Variants in ADORA2B observed in about 807,000 individuals in gnomAD.
ADORA2B encodes adenosine receptor A2b.
Under a neutral mutation model 20.8 loss-of-function variants are expected in ADORA2B, and 18 were observed. The observed-to-expected ratio is 0.87, with a 90% confidence interval of 0.60 to 1.29. The LOEUF is 1.29. Among genes scored for constraint, ADORA2B ranks in the 50% most tolerant of loss-of-function variants. ADORA2B has a pLI of 0.00. For missense variants in ADORA2B, 441 were observed against 422.7 expected (o/e 1.04, Z -0.38); for synonymous variants, 179 against 178.3 (o/e 1.00, Z -0.03).
chr17:15,921,767 A>C, the ADORA2B span, among the ~76,000 whole-genome samples: 6 of 152,124 alleles, frequency 3.9e-5, no homozygotes, highest in Non-Finnish European at 8.8e-5. Context: ...GAATTCACAA[A>C]ATTATTAGGG....
chr17:15,855,409 A>G, the ADORA2B span, among the ~76,000 whole-genome samples: 1 of 152,136 alleles, frequency 6.6e-6, no homozygotes, highest in Non-Finnish European at 1.5e-5. Context: ...AACACTTCCC[A>G]TGAGAAGCCA....
chr17:15,923,440 T>C, the ADORA2B span, among the ~76,000 whole-genome samples: 4 of 151,066 alleles, frequency 2.6e-5, no homozygotes, highest in African/African-American at 9.7e-5. Flanking sequence ...AGTCTCGCTC[T>C]GTCACCCAGG....
chr17:15,897,839 T>C, the ADORA2B span, among the ~76,000 whole-genome samples: 4 of 152,228 alleles, frequency 2.6e-5, no homozygotes. Context: ...ACTATTTCGC[T>C]ATTGTAGAAA....
chr17:15,874,198 T>C, the ADORA2B span, among the ~76,000 whole-genome samples: 1,602 of 151,758 alleles, frequency 0.011, 34 homozygotes, highest in African/African-American at 0.036. Context: ...GAGGCCATTA[T>C]TCTAAATGAA....
At chr17:15,910,027 C>T in the ADORA2B span, among the ~76,000 whole-genome samples, 4 of 152,188 alleles carry the variant, frequency 2.6e-5, no homozygotes, top group African/African-American at 4.8e-5. Context: ...CAAGTGAGGG[C>T]ATGGCTCACA....
the ADORA2B span, among the ~76,000 whole-genome samples, chr17:15,853,746 T>C: frequency 1.3e-5 from 2 of 152,212 alleles, no homozygotes; most frequent in South Asian, 2.1e-4. Context: ...ACCAATCTTA[T>C]ATATATTCAT....
At chr17:15,965,750 C>CCTGCTGGG (rs1970108184) in intron 1 of ADORA2B, among the ~76,000 whole-genome samples, 1 of 152,266 alleles carries the variant, frequency 6.6e-6, no homozygotes, top group African/African-American at 2.4e-5. Flanking sequence ...CTGGCACTCC[C>CCTGCTGGG]GTAGAAAGCC....
the ADORA2B span, among the ~76,000 whole-genome samples, chr17:15,878,184 T>TATAC: frequency 2.8e-5 from 4 of 143,820 alleles, no homozygotes; most frequent in African/African-American, 7.6e-5. Flanking sequence ...TGTGTGTGTA[T>TATAC]ACACACACAC....
chr17:15,946,081 C>T (rs1420382856), intron 1 of ADORA2B, among the ~76,000 whole-genome samples: 2 of 152,224 alleles, frequency 1.3e-5, no homozygotes, highest in African/African-American at 2.4e-5. Flanking sequence ...ACTTTGGACG[C>T]TGGGCATTCG....
the ADORA2B span, among the ~76,000 whole-genome samples, chr17:15,873,555 A>T: frequency 6.6e-6 from 1 of 152,210 alleles, no homozygotes; most frequent in Admixed American, 6.5e-5. Flanking sequence ...GTAAAAAACA[A>T]GTAATCCTAT....
the ADORA2B span, among the ~76,000 whole-genome samples, chr17:15,913,175 C>T: frequency 6.6e-6 from 1 of 152,228 alleles, no homozygotes; most frequent in Non-Finnish European, 1.5e-5. Flanking sequence ...CTCTTCCTTC[C>T]CTGAGCCAGA....
intron 1 of ADORA2B, among the ~76,000 whole-genome samples, chr17:15,952,552 C>G (rs1029015828): frequency 3.3e-5 from 5 of 152,022 alleles, no homozygotes; most frequent in Non-Finnish European, 7.4e-5. Flanking sequence ...AGGTCACCCC[C>G]AAACACCCCC....
rs1567786066 is a variant in ADORA2B at position 15,975,304 on chromosome 17, C to T, written c.961C>T (p.Gln321Ter). The T allele has an allele frequency of 1.9e-6, 3 of 1,613,170 alleles. No individual in the cohort carries two copies. Among genetic ancestry groups the T allele is most frequent in the East Asian group, 2.2e-5 (1 of 44,872 alleles). Residue 321 changes from glutamine to a stop codon, truncating the protein, a stop_gained, in exon 2 of 2, where the codon CAG (glutamine) becomes TAG (stop). Transcript: ENST00000304222. LOFTEE classifies it high-confidence loss of function. ...CQADVKSGNG[Q>*]AGVQPALGVG... ...AGCAGATGTCAAGAGTGGGAATGGT[C>T]AGGCTGGGGTACAGCCTGCTCTCGG...
the ADORA2B span, among the ~76,000 whole-genome samples, chr17:15,906,443 C>G: frequency 6.6e-6 from 1 of 152,128 alleles, no homozygotes; most frequent in East Asian, 1.9e-4. Flanking sequence ...CCCTTGCATT[C>G]CTGAGATGAA....
the ADORA2B span, among the ~76,000 whole-genome samples, chr17:15,869,339 A>C: frequency 7.0e-6 from 1 of 143,810 alleles, no homozygotes; most frequent in Admixed American, 7.0e-5. Context: ...TAATAATAAT[A>C]ATTATTATTA....
At chr17:15,969,980 T>G (rs1389107330) in intron 1 of ADORA2B, among the ~76,000 whole-genome samples, 1 of 152,234 alleles carries the variant, frequency 6.6e-6, no homozygotes, top group Non-Finnish European at 1.5e-5. Context: ...TATGTTCTAC[T>G]TTTCAAATTT....
chr17:15,899,600 A>G, the ADORA2B span, among the ~76,000 whole-genome samples: 1 of 152,026 alleles, frequency 6.6e-6, no homozygotes, highest in Non-Finnish European at 1.5e-5. Flanking sequence ...CTCTTCTTCC[A>G]TTCCCTCTCT....
intron 1 of ADORA2B, among the ~76,000 whole-genome samples, chr17:15,969,767 C>T (rs1970166627): frequency 6.6e-6 from 1 of 152,246 alleles, no homozygotes; most frequent in East Asian, 1.9e-4. Flanking sequence ...GAAATAGTTT[C>T]CTAGCTGATC....
intron 1 of ADORA2B, among the ~76,000 whole-genome samples, chr17:15,946,797 C>T (rs545006601): frequency 6.6e-6 from 1 of 152,144 alleles, no homozygotes; most frequent in Non-Finnish European, 1.5e-5. Context: ...CACCGTGTCC[C>T]CACCCATGCC....
Sources: allele counts gnomAD v4.1 joint callset (sites outside exome capture counted in the v4.1 genomes callset), GRCh38; gene constraint gnomAD v4.1.1; transcripts MANE v1.5; gene names NCBI Gene and HGNC (gene_info 2026-07-23, HGNC 2026-07-21).